Variants in TCF4 observed in about 807,000 individuals in gnomAD.
TCF4 encodes SL3-3 enhancer factor 2.
In TCF4, 3 loss-of-function variants were observed where a neutral mutation model predicts 82.1. That is an observed-to-expected ratio of 0.04 (90% CI 0.02 to 0.09). The LOEUF is 0.09. Among genes scored for constraint, TCF4 ranks in the 10% least tolerant of loss-of-function variants. The pLI is 1.00. For missense variants in TCF4, 518 were observed against 852.7 expected (o/e 0.61, Z 4.89); for synonymous variants, 276 against 309.6 (o/e 0.89, Z 1.14).
chr18:55,471,565 G>C (rs985192402), intron 3 of TCF4, among the ~76,000 whole-genome samples: 2 of 152,064 alleles, frequency 1.3e-5, no homozygotes, highest in African/African-American at 4.8e-5. Context: ...CCAAGAGTTC[G>C]AGATCAGCCT....
chr18:55,404,027 T>G, intron 5 of TCF4: 1 of 1,176,974 alleles, frequency 8.5e-7, no homozygotes. Flanking sequence ...AAAACTCCCT[T>G]TCCCAGGAGT....
chr18:55,231,976 G>C (rs187941383), intron 17 of TCF4: 8 of 152,660 alleles, frequency 5.2e-5, no homozygotes, highest in African/African-American at 1.7e-4. Context: ...AAGAAAACCA[G>C]ACAGAAGCTA....
chr18:55,335,350 G>A (rs899097480), intron 8 of TCF4, among the ~76,000 whole-genome samples: 5 of 152,142 alleles, frequency 3.3e-5, no homozygotes, highest in African/African-American at 7.2e-5. Flanking sequence ...AGAATGTTGT[G>A]TTAAATCAAT....
chr18:55,407,922 C>A (rs568006611), intron 5 of TCF4, among the ~76,000 whole-genome samples: 1 of 152,214 alleles, frequency 6.6e-6, no homozygotes, highest in Non-Finnish European at 1.5e-5. Flanking sequence ...TCTCATAAAT[C>A]CATTCCACTC....
chr18:55,402,828 C>G (rs942299771), intron 6 of TCF4, among the ~76,000 whole-genome samples: 4 of 152,120 alleles, frequency 2.6e-5, no homozygotes, highest in Non-Finnish European at 5.9e-5. Flanking sequence ...CATGCTATAC[C>G]TTTGTATTAC....
chr18:55,515,152 A>G (rs2096868911), intron 3 of TCF4, among the ~76,000 whole-genome samples: 1 of 152,214 alleles, frequency 6.6e-6, no homozygotes, highest in Non-Finnish European at 1.5e-5. Context: ...CACTTAATGT[A>G]AAGATGGAGA....
chr18:55,546,735 T>C (rs1381331958), intron 3 of TCF4: 2 of 152,314 alleles, frequency 1.3e-5, no homozygotes, highest in East Asian at 3.9e-4. Flanking sequence ...AGAAAAATAA[T>C]AAATTTTCAG....
intron 5 of TCF4, among the ~76,000 whole-genome samples, 199 bp downstream of exon 5, chr18:55,460,820 A>T (rs2095856355): frequency 6.6e-6 from 1 of 152,184 alleles, no homozygotes; most frequent in Admixed American, 6.5e-5. Flanking sequence ...TTCATTCCAT[A>T]TGCTTGTAAA....
chr18:55,415,503 G>A (rs927008163), intron 5 of TCF4, among the ~76,000 whole-genome samples: 1 of 152,326 alleles, frequency 6.6e-6, no homozygotes, highest in South Asian at 2.1e-4. Context: ...GCTATGGCCA[G>A]GCACTCCCCA....
chr18:55,275,549 A>G (rs888618643), intron 10 of TCF4, 70 bp downstream of exon 10: 11 of 1,606,526 alleles, frequency 6.8e-6, no homozygotes, highest in African/African-American at 2.7e-5. Context: ...GTGTATATGC[A>G]TGGAAAGACA....
chr18:55,248,247 T>C (rs1325039307), intron 15 of TCF4, among the ~76,000 whole-genome samples: 1 of 152,162 alleles, frequency 6.6e-6, no homozygotes, highest in East Asian at 1.9e-4. Flanking sequence ...GACAGAACAC[T>C]AGAGAAGGCA....
chr18:55,474,408 G>GA (rs1330529403), intron 3 of TCF4, among the ~76,000 whole-genome samples: 2 of 152,064 alleles, frequency 1.3e-5, no homozygotes, highest in African/African-American at 4.8e-5. Context: ...CTAAACTCCA[G>GA]AAAAAATGCG....
intron 6 of TCF4, among the ~76,000 whole-genome samples, chr18:55,368,531 A>C (rs2087922238): frequency 6.6e-6 from 1 of 152,168 alleles, no homozygotes; most frequent in South Asian, 2.1e-4. Context: ...AAAACAAAAA[A>C]CACAGTGTTT....
intron 6 of TCF4, among the ~76,000 whole-genome samples, chr18:55,381,281 T>A (rs2091862506): frequency 6.6e-6 from 1 of 152,196 alleles, no homozygotes; most frequent in South Asian, 2.1e-4. Flanking sequence ...GTTGTTGCTG[T>A]TTTCTAAGAA....
At chr18:55,485,511 A>G (rs1483595244) in intron 3 of TCF4, among the ~76,000 whole-genome samples, 1 of 152,186 alleles carries the variant, frequency 6.6e-6, no homozygotes, top group Non-Finnish European at 1.5e-5. Context: ...TACATGCTGC[A>G]TAATTCCCCA....
At chr18:55,401,028 G>A in intron 6 of TCF4, 1 of 1,289,070 alleles carries the variant, frequency 7.8e-7, no homozygotes, top group Non-Finnish European at 1.0e-6. Context: ...AATCATTTCA[G>A]CTGTGATCTG....
chr18:55,377,350 ATAAATATGACAGG>A (rs1381493465), intron 6 of TCF4, among the ~76,000 whole-genome samples: 1 of 152,194 alleles, frequency 6.6e-6, no homozygotes, highest in Non-Finnish European at 1.5e-5. Context: ...TTACCTTATA[ATAAATATGACAGG>A]TACAAAACAA....
intron 15 of TCF4, among the ~76,000 whole-genome samples, chr18:55,253,184 T>G (rs2055765987): frequency 6.6e-6 from 1 of 152,216 alleles, no homozygotes; most frequent in Admixed American, 6.5e-5. Context: ...TTCAGAATGG[T>G]ACTCTTAATC....
rs982571795 is a variant in TCF4 at position 55,228,029 on chromosome 18, A to T, written c.*6T>A. The T allele has an allele frequency of 1.5e-6, 1 of 652,362 alleles. No homozygotes were observed. Among genetic ancestry groups the T allele is most frequent in the Non-Finnish European group, 2.5e-6 (1 of 398,496 alleles). The allele number at this position is 652,362 out of a possible 1,614,324, so 40.4% of individuals were successfully genotyped here. On this transcript the variant is annotated splice_region_variant and 3_prime_UTR_variant, in exon 20 of 20. Transcript: ENST00000354452. ...TTAATGAAGCAATGTGGCAACTTGGACCTGAGAAAGGAAAAAAGAGAGAAA... is the reference window on the plus strand; with the variant it reads ...TTAATGAAGCAATGTGGCAACTTGGTCCTGAGAAAGGAAAAAAGAGAGAAA...
Sources: gnomAD v4.1 joint callset for allele counts (sites outside exome capture counted in the v4.1 genomes callset) on GRCh38, gnomAD v4.1.1 for gene constraint, MANE v1.5 for transcripts, NCBI Gene and HGNC (gene_info 2026-07-23, HGNC 2026-07-21) for gene names.